Variants in ACSL5 observed in about 807,000 individuals in gnomAD.
ACSL5 encodes long-chain-fatty-acid--CoA ligase 5.
In ACSL5, 50 loss-of-function variants were observed where a neutral mutation model predicts 84.9. The ratio of observed to expected loss-of-function variants is 0.59; its 90% CI spans 0.47 to 0.75. ACSL5 has a LOEUF of 0.75. Among genes scored for constraint, ACSL5 ranks in the 30% least tolerant of loss-of-function variants. The pLI, the probability that ACSL5 is intolerant of heterozygous loss-of-function variation, is 0.00. For missense variants in ACSL5, 775 were observed against 830.4 expected (o/e 0.93, Z 0.82); for synonymous variants, 280 against 300.7 (o/e 0.93, Z 0.71).
chr10:112,422,505 T>C (rs1564744255), intron 17 of ACSL5, 64 bp downstream of exon 17: 2 of 1,464,550 alleles, frequency 1.4e-6, no homozygotes, highest in South Asian at 2.4e-5. Flanking sequence ...AATCTGCTTA[T>C]AGCAAGAGGT....
intron 14 of ACSL5, among the ~76,000 whole-genome samples, chr10:112,418,364 G>A (rs1266049530): frequency 6.6e-6 from 1 of 152,044 alleles, no homozygotes; most frequent in East Asian, 1.9e-4. Context: ...GGCGGATCAC[G>A]AGGTCAGGAG....
Position 112,394,945 on chromosome 10 carries a change from A to G in ACSL5, c.-2A>G. 1 of 1,613,326 alleles carries G rather than the reference A, an allele frequency of 6.2e-7. No homozygotes were observed. The highest frequency in any genetic ancestry group is 8.5e-7 in the Non-Finnish European group (1 of 1,179,970). On this transcript the variant is annotated 5_prime_UTR_variant, in exon 2 of 21. Coordinates refer to ENST00000354655, the MANE Select transcript of ACSL5 (RefSeq NM_203379.2). ...CTGAATTTCCTGCTGCTGTTCACAA[A>G]GATGCTTTTTATCTTTAACTTTTTG...
chr10:112,409,602 A>G lies in ACSL5; in HGVS notation c.628A>G (p.Ile210Val). 1 of 1,614,200 alleles carries G rather than the reference A, an allele frequency of 6.2e-7. No individual in the cohort carries two copies. Among genetic ancestry groups the G allele is most frequent in the South Asian group, 1.1e-5 (1 of 91,082 alleles). Residue 210 changes from isoleucine to valine, a missense_variant, in exon 7 of 21, where the codon ATC becomes GTC. Coordinates refer to ENST00000354655, the MANE Select transcript of ACSL5 (RefSeq NM_203379.2). ...KGFTPSLKVI[I>V]LMDPFDDDLK... is the part of the protein sequence containing the mutation. ...CTTCACCCCGAGCCTGAAGGTGATC[A>G]TCCTTATGGACCCCTTTGATGATGA...
intron 1 of ACSL5, among the ~76,000 whole-genome samples, chr10:112,388,284 A>T (rs1032203133): frequency 6.6e-6 from 1 of 152,144 alleles, no homozygotes; most frequent in South Asian, 2.1e-4. Flanking sequence ...TACTTATCCC[A>T]TGTAGATAAC....
chr10:112,421,953 T>C lies in ACSL5; in HGVS notation c.1394T>C (p.Val465Ala), dbSNP rs754813551. The change falls in exon 16 of 21, where the codon GTT becomes GCT. Residue 465 changes from valine (V) to alanine (A), a missense_variant. Physicochemically the swap from Val to Ala is moderately conservative, Grantham distance 64. Transcript: ENST00000354655. ...TCAGCACGGTATGTTCTAGGTCACG[T>C]TGGGGTGCCCCTGGCTTGCAATTAC... ...TLPGDWTSGH[V>A]GVPLACNYVK... 4.3e-6 allele frequency: 7 copies of C among 1,614,100 alleles called. No individual in the cohort carries two copies. The highest frequency in any genetic ancestry group is 1.7e-5 in the Admixed American group (1 of 60,006).
intron 1 of ACSL5, among the ~76,000 whole-genome samples, chr10:112,379,575 G>A (rs1849309269): frequency 6.6e-6 from 1 of 152,134 alleles, no homozygotes; most frequent in Non-Finnish European, 1.5e-5. Context: ...GGGAAGGAAA[G>A]GGGAGCTAGA....
rs548857468 is a variant in ACSL5 at position 112,389,376 on chromosome 10, G to C, written c.-29-5542G>C. Among the ~76,000 whole-genome samples the C allele has an allele frequency of 9.9e-5, 15 of 152,268 alleles. No homozygotes were observed. The East Asian group carries it at 2.7e-3, about 27-fold the overall frequency. The stretch of plus-strand genomic sequence containing the variant: ...CAAGGACAAGGATGGTGGACAAATG[G>C]GCATCCTGGGGTCTGAGGCCAAGGC... On this transcript the variant is annotated intron_variant, in intron 1 of 20. Transcript: ENST00000354655.
chr10:112,406,062 T>A (rs1844029971), intron 5 of ACSL5: 1 of 152,028 alleles, frequency 6.6e-6, no homozygotes. Flanking sequence ...GTAACTTTTA[T>A]TGAAAAAAAA....
rs1564740813 is a variant in ACSL5 at position 112,413,300 on chromosome 10, A to G, written c.1076A>G (p.Tyr359Cys). 6.2e-6 allele frequency: 10 copies of G among 1,614,000 alleles called. No homozygotes were observed. Among genetic ancestry groups the G allele is most frequent in the Non-Finnish European group, 7.6e-6 (9 of 1,179,990 alleles). Residue 359 changes from tyrosine (Y) to cysteine (C), a missense_variant, in exon 12 of 21, where the codon TAC becomes TGC. Tyr to Cys is a radical substitution (Grantham distance 194). Coordinates refer to ENST00000354655, the MANE Select transcript of ACSL5 (RefSeq NM_203379.2). ...GTGCCTCGACTCCTTAACAGGATCT[A>G]CGATAAGGTACTAACTTTCAGCTGA... Reference protein sequence around the residue: ...PAVPRLLNRIYDKVQNEAKTP... With the variant: ...PAVPRLLNRICDKVQNEAKTP...
chr10:112,380,409 C>A (rs573447983), intron 1 of ACSL5, among the ~76,000 whole-genome samples: 2 of 152,204 alleles, frequency 1.3e-5, no homozygotes, highest in African/African-American at 4.8e-5. Flanking sequence ...ACACTGGGCC[C>A]CACACACCAT....
chr10:112,412,978 G>A (rs1405512384), intron 11 of ACSL5, among the ~76,000 whole-genome samples, 195 bp from the exon 12 acceptor site: 2 of 152,164 alleles, frequency 1.3e-5, no homozygotes, highest in East Asian at 3.9e-4. Context: ...AAGGTTCTCA[G>A]AGTCCTGAAT....
At chr10:112,404,977 T>C (rs185313908) in intron 5 of ACSL5, among the ~76,000 whole-genome samples, 171 bp downstream of exon 5, 31 of 152,314 alleles carry the variant, frequency 2.0e-4, no homozygotes, top group African/African-American at 7.2e-4. Flanking sequence ...ACCTATTTAA[T>C]TTCTGGTTAA....
At chr10:112,422,845 C>G (rs1173649637) in intron 17 of ACSL5, among the ~76,000 whole-genome samples, 2 of 126,216 alleles carry the variant, frequency 1.6e-5, no homozygotes, top group African/African-American at 6.1e-5. Flanking sequence ...GACAGAGACT[C>G]TGTCTCAAAA....
chr10:112,408,623 T>A, intron 6 of ACSL5, 102 bp downstream of exon 6: 1 of 821,116 alleles, frequency 1.2e-6, no homozygotes, highest in Non-Finnish European at 2.1e-6. Context: ...TAAGCAAACT[T>A]GAAATGCTGT....
At chr10:112,417,994 G>T in intron 14 of ACSL5, 53 bp downstream of exon 14, 1 of 1,347,018 alleles carries the variant, frequency 7.4e-7, no homozygotes, top group Non-Finnish European at 1.0e-6. Flanking sequence ...GCACAAACAG[G>T]CTCACTGTTT....
rs115504051 is a variant in ACSL5 at position 112,405,255 on chromosome 10, C to T, written c.432+449C>T. Among the ~76,000 whole-genome samples the T allele has an allele frequency of 5.0e-3, 758 of 152,306 alleles. 5 individuals carry two copies. The highest frequency in any genetic ancestry group is 0.018 in the African/African-American group (737 of 41,568). ...CAGTGAGTTGGAAGCAGATTTTAGA[C>T]AGTAAGATGACAGAATCAAGCTTAT... On this transcript the variant is annotated intron_variant, in intron 5 of 20. Transcript: ENST00000354655.
chr10:112,397,169 C>CTT (rs141789967), intron 2 of ACSL5, among the ~76,000 whole-genome samples: 1 of 139,886 alleles, frequency 7.1e-6, no homozygotes. Flanking sequence ...CTCCCTTTTT[C>CTT]TTTTTTTTTT....
intron 1 of ACSL5, among the ~76,000 whole-genome samples, chr10:112,385,891 TC>T (rs1849439640): frequency 6.6e-6 from 1 of 152,168 alleles, no homozygotes; most frequent in African/African-American, 2.4e-5. Context: ...AGAGAAAATC[TC>T]TCCATACTTT....
Position 112,398,965 on chromosome 10 carries a change from C to T in ACSL5, c.221C>T (p.Ala74Val), listed in dbSNP as rs1843812968. The T allele has an allele frequency of 4.3e-6, 7 of 1,613,920 alleles. No homozygotes were observed. Among genetic ancestry groups the T allele is most frequent in the Non-Finnish European group, 5.9e-6 (7 of 1,179,990 alleles). ...NDLTSCCFSD[A>V]KTMYEVFQRG... is the part of the protein sequence containing the mutation. ...CTAACAAGTTGCTGCTTCTCAGATG[C>T]CAAGACTATGTATGAGGTTTTCCAA... Residue 74 changes from alanine to valine, a missense_variant, in exon 3 of 21, where the codon GCC (alanine) becomes GTC (valine). Ala to Val is a moderately conservative substitution (Grantham distance 64). Transcript: ENST00000354655.
Sources: gnomAD v4.1 joint callset for allele counts (sites outside exome capture counted in the v4.1 genomes callset) on GRCh38, gnomAD v4.1.1 for gene constraint, MANE v1.5 for transcripts, NCBI Gene and HGNC (gene_info 2026-07-23, HGNC 2026-07-21) for gene names.